Variants in SPAG16 observed in about 807,000 individuals in gnomAD.
The protein encoded by SPAG16 is sperm associated antigen 16.
SPAG16 carries 86 observed loss-of-function variants against 80.4 expected under a neutral mutation model. That is an observed-to-expected ratio of 1.07 (90% CI 0.90 to 1.28). SPAG16 has a LOEUF of 1.28. Among genes scored for constraint, SPAG16 ranks in the 50% most tolerant of loss-of-function variants. SPAG16 has a pLI of 0.00. For missense variants in SPAG16, 870 were observed against 765.3 expected (o/e 1.14, Z -1.61); for synonymous variants, 294 against 265.9 (o/e 1.11, Z -1.03).
At chr2:214,355,106 C>T (rs2126057965) in intron 15 of SPAG16, among the ~76,000 whole-genome samples, 1 of 151,750 alleles carries the variant, frequency 6.6e-6, no homozygotes, top group South Asian at 2.1e-4. Context: ...AGGACATAGG[C>T]ATGGGCAAGG....
At chr2:213,916,226 C>T (rs1421416779) in intron 11 of SPAG16, among the ~76,000 whole-genome samples, 1 of 152,130 alleles carries the variant, frequency 6.6e-6, no homozygotes, top group Non-Finnish European at 1.5e-5. Flanking sequence ...AGGTTTTCTT[C>T]TAGGGTTTTT....
chr2:213,862,459 ACT>A (rs755902855), intron 10 of SPAG16, 24 bp from the exon 11 acceptor site: 2 of 1,610,094 alleles, frequency 1.2e-6, no homozygotes, highest in Admixed American at 1.7e-5. Flanking sequence ...TCTCCCCATA[ACT>A]CTTTTTTCTT....
In SPAG16 at chr2:214,049,221, G is replaced by C. The variant is rs185232813; in HGVS notation, c.1527+35144G>C. On this transcript the variant is annotated intron_variant, in intron 13 of 15. Coordinates refer to ENST00000331683, the MANE Select transcript of SPAG16 (RefSeq NM_024532.5). ...CAATCTGAAAAAGCTTATCTCAATTGACTGAAAAGGAACAGTTAAGAAATT... is the reference window on the plus strand; with the variant it reads ...CAATCTGAAAAAGCTTATCTCAATTCACTGAAAAGGAACAGTTAAGAAATT... 1.9e-3 allele frequency among the ~76,000 whole-genome samples: 291 copies of C among 152,298 alleles called. 2 individuals carry two copies. The highest frequency in any genetic ancestry group is 2.0e-3 in the Non-Finnish European group (135 of 68,030).
intron 15 of SPAG16, among the ~76,000 whole-genome samples, chr2:214,397,625 A>C (rs866181829): frequency 1.3e-5 from 2 of 152,166 alleles, no homozygotes; most frequent in Non-Finnish European, 2.9e-5. Context: ...AAACATTGGC[A>C]GTCTATTTAA....
intron 12 of SPAG16, among the ~76,000 whole-genome samples, chr2:213,949,187 T>TTTTTTTGTTTTTTTG (rs2079620287): frequency 6.7e-5 from 1 of 14,838 alleles, no homozygotes; most frequent in Admixed American, 1.4e-3. Context: ...TTTTTTTTTT[T>TTTTTTTGTTTTTTTG]TTTTTTGAGG....
intron 9 of SPAG16, among the ~76,000 whole-genome samples, chr2:213,440,080 A>T (rs1027309953): frequency 1.3e-5 from 2 of 152,028 alleles, no homozygotes; most frequent in African/African-American, 4.8e-5. Context: ...CCATATATCT[A>T]TATAATCTGA....
At chr2:213,650,035 G>A (rs1049365469) in intron 10 of SPAG16, among the ~76,000 whole-genome samples, 6 of 151,980 alleles carry the variant, frequency 3.9e-5, no homozygotes, top group African/African-American at 1.2e-4. Flanking sequence ...AGAAGTTCTC[G>A]AATTTTATTT....
chr2:213,902,116 TA>T (rs908536827), intron 11 of SPAG16, among the ~76,000 whole-genome samples: 14 of 152,160 alleles, frequency 9.2e-5, no homozygotes, highest in African/African-American at 2.9e-4. Flanking sequence ...AAGCTTTCAA[TA>T]AAAAATATTT....
intron 1 of SPAG16, among the ~76,000 whole-genome samples, chr2:213,294,305 T>G (rs1234721770): frequency 6.6e-6 from 1 of 152,164 alleles, no homozygotes; most frequent in Non-Finnish European, 1.5e-5. Flanking sequence ...TTGGAAATAC[T>G]TTGTTAGTGA....
chr2:214,090,245 GATA>G (rs1455892853), intron 13 of SPAG16, among the ~76,000 whole-genome samples: 3 of 151,766 alleles, frequency 2.0e-5, no homozygotes, highest in Non-Finnish European at 2.9e-5. Flanking sequence ...AAAGAAGAAT[GATA>G]ATAAGAACAA....
intron 9 of SPAG16, among the ~76,000 whole-genome samples, chr2:213,444,369 G>A (rs546460372): frequency 1.3e-5 from 2 of 152,208 alleles, no homozygotes; most frequent in African/African-American, 4.8e-5. Flanking sequence ...GTTTTTAGGG[G>A]TTTATCAACT....
intron 13 of SPAG16, among the ~76,000 whole-genome samples, chr2:214,029,689 C>T (rs117974191): frequency 8.9e-4 from 136 of 152,208 alleles, no homozygotes; most frequent in East Asian, 8.5e-3. Context: ...ACAAATCTTA[C>T]TCAAACTTAA....
chr2:213,468,696 G>GTA lies in SPAG16; in HGVS notation c.943-21257_943-21256dup, dbSNP rs1329221571. ...TATATATATGTGTGTGTATATGTGT[G>GTA]TATATATATATCTGTGTATATATAT... On this transcript the variant is annotated intron_variant, in intron 9 of 15. Coordinates refer to ENST00000331683, the MANE Select transcript of SPAG16 (RefSeq NM_024532.5). 6.1e-5 allele frequency among the ~76,000 whole-genome samples: 9 copies of GTA among 146,488 alleles called. No homozygotes were observed. In the South Asian group the frequency reaches 6.4e-4, roughly 10 times the overall value.
chr2:213,760,785 C>T (rs1483727508), intron 10 of SPAG16, among the ~76,000 whole-genome samples: 4 of 152,054 alleles, frequency 2.6e-5, no homozygotes, highest in Non-Finnish European at 5.9e-5. Flanking sequence ...AATGTTTTTT[C>T]CTCACAGTTT....
chr2:214,134,550 C>A (rs2054947978), intron 14 of SPAG16, among the ~76,000 whole-genome samples: 2 of 152,188 alleles, frequency 1.3e-5, no homozygotes, highest in South Asian at 4.1e-4. Flanking sequence ...AAAATCGGCA[C>A]AGGCTCCATA....
At chr2:213,892,847 A>G (rs913893544) in intron 11 of SPAG16, among the ~76,000 whole-genome samples, 6 of 152,168 alleles carry the variant, frequency 3.9e-5, no homozygotes, top group African/African-American at 1.4e-4. Context: ...ATTAGTGTTC[A>G]TGAGAAAGTT....
At chr2:213,962,476 C>T (rs764325546) in intron 12 of SPAG16, among the ~76,000 whole-genome samples, 33 of 152,186 alleles carry the variant, frequency 2.2e-4, no homozygotes, top group Non-Finnish European at 2.8e-4. Context: ...TGAGCCACCG[C>T]GCCCAGCCAG....
chr2:213,765,180 C>A (rs532784895), intron 10 of SPAG16, among the ~76,000 whole-genome samples: 26 of 152,302 alleles, frequency 1.7e-4, no homozygotes, highest in African/African-American at 5.5e-4. Context: ...ACCATCCTGG[C>A]CAACACGGTG....
intron 12 of SPAG16, among the ~76,000 whole-genome samples, chr2:213,980,502 T>C (rs920836187): frequency 2.2e-5 from 3 of 139,362 alleles, no homozygotes; most frequent in African/African-American, 8.0e-5. Context: ...ATAGAATATA[T>C]GTGTATATAT....
Sources: allele counts gnomAD v4.1 joint callset (sites outside exome capture counted in the v4.1 genomes callset), GRCh38; gene constraint gnomAD v4.1.1; transcripts MANE v1.5; gene names NCBI Gene and HGNC (gene_info 2026-07-23, HGNC 2026-07-21).